The following ST6GAL2 variants were observed in gnomAD, a reference collection of about 807,000 sequenced individuals.
ST6GAL2 encodes the protein ST6 beta-galactoside alpha-2,6-sialyltransferase 2.
A neutral mutation model predicts 37.5 loss-of-function variants in ST6GAL2; 24 were observed. The ratio of observed to expected loss-of-function variants is 0.64; its 90% confidence interval spans 0.46 to 0.90. The LOEUF (loss-of-function observed/expected upper bound fraction) is 0.90, where lower values mean the gene tolerates loss of function less well. Ranked by LOEUF, ST6GAL2 falls within the 40% of genes least tolerant of loss-of-function variation. ST6GAL2 has a pLI of 0.00. For synonymous variants in ST6GAL2, 306 were observed against 295.1 expected (o/e 1.04, Z -0.38); for missense variants, 715 against 712.7 (o/e 1.00, Z -0.04).
chr2:106,861,070 T>C (rs1313276504), intron 1 of ST6GAL2, among the ~76,000 whole-genome samples: 1 of 151,838 alleles, frequency 6.6e-6, no homozygotes, highest in Non-Finnish European at 1.5e-5. Context: ...AAAAGAAGAG[T>C]AGAAGAGTGA....
Position 106,843,741 on chromosome 2 carries a change from C to T in ST6GAL2, c.237G>A (p.Ala79=). The change falls in exon 2 of 6, where the codon GCG becomes GCA. Residue 79 remains alanine (A), a synonymous_variant. Transcript: ENST00000409382. The stretch of plus-strand genomic sequence containing the variant: ...AACCGGCTGGGTGGGCGCGGGGCAG[C>T]GCCTGGCGTGCGTCCAGGCCCCCAG... ...SPPGGLDARQ[A]LPRAHPAGSF... 6.2e-7 allele frequency: 1 copy of T among 1,611,798 alleles called. No homozygotes were observed. Among genetic ancestry groups the T allele is most frequent in the Non-Finnish European group, 8.5e-7 (1 of 1,179,300 alleles).
intron 5 of ST6GAL2, among the ~76,000 whole-genome samples, chr2:106,811,834 G>T (rs758298807): frequency 2.6e-5 from 4 of 152,122 alleles, no homozygotes; most frequent in Non-Finnish European, 4.4e-5. Context: ...CTAGCATAGG[G>T]TTTTACTCAC....
At chr2:106,811,295 C>A (rs962844454) in intron 5 of ST6GAL2, among the ~76,000 whole-genome samples, 2 of 152,074 alleles carry the variant, frequency 1.3e-5, no homozygotes, top group African/African-American at 4.8e-5. Context: ...TTTCTTCATA[C>A]TTTGCAAAAG....
At chr2:106,852,478 A>C (rs1677408406) in intron 1 of ST6GAL2, among the ~76,000 whole-genome samples, 1 of 152,208 alleles carries the variant, frequency 6.6e-6, no homozygotes, top group African/African-American at 2.4e-5. Flanking sequence ...TGAGTAACCC[A>C]CAATGGGGAT....
Position 106,806,718 on chromosome 2 carries a change from AC to A in ST6GAL2, c.1549del (p.Val517CysfsTer24), listed in dbSNP as rs779427786. ...GKVVLPGFQA[V>X]HCPAPSPVIP... ...GACTGGACTTGGTGCAGGGCAGTGC[AC>A]CGCCTGGAAGCCGGGAAGAACCACC... On this transcript the variant is annotated frameshift_variant, in exon 6 of 6. Coordinates refer to ENST00000409382, the MANE Select transcript of ST6GAL2 (RefSeq NM_001142351.2). LOFTEE classifies it low-confidence loss of function (END_TRUNC). 2.9e-4 allele frequency: 465 copies of A among 1,614,010 alleles called. No individual in the cohort carries two copies. The highest frequency in any genetic ancestry group is 3.8e-4 in the Non-Finnish European group (451 of 1,180,032).
At position 106,884,934 on chromosome 2, in the gene ST6GAL2, T is replaced by TATATATACACAC. The variant is rs1425070594; in HGVS notation, c.-58+1158_-58+1159insGTGTGTATATAT. Among the ~76,000 whole-genome samples the TATATATACACAC allele has an allele frequency of 1.3e-3, 160 of 120,446 alleles. 1 individual carries two copies. The highest frequency in any genetic ancestry group is 4.5e-3 in the African/African-American group (127 of 28,152). The allele number at this position is 120,446 out of a possible 152,430, so 79.0% of individuals were successfully genotyped here. On this transcript the variant is annotated intron_variant, in intron 1 of 5. Coordinates refer to ENST00000409382, the MANE Select transcript of ST6GAL2 (RefSeq NM_001142351.2). ...ATATATATATATATATATATATATA[T>TATATATACACAC]ACATACACACACACACATATATACA...
intron 1 of ST6GAL2, among the ~76,000 whole-genome samples, chr2:106,862,608 C>T (rs1268104344): frequency 6.6e-6 from 1 of 151,044 alleles, no homozygotes; most frequent in African/African-American, 2.4e-5. Context: ...TATGGGTTTG[C>T]ACTGAATTAT....
intron 5 of ST6GAL2, among the ~76,000 whole-genome samples, chr2:106,818,835 C>A (rs1393028714): frequency 6.6e-6 from 1 of 151,660 alleles, no homozygotes; most frequent in Non-Finnish European, 1.5e-5. Context: ...CAGTGAAATT[C>A]AAGATAACAG....
intron 1 of ST6GAL2, among the ~76,000 whole-genome samples, chr2:106,845,312 G>T (rs1424339567): frequency 6.6e-6 from 1 of 152,184 alleles, no homozygotes; most frequent in Non-Finnish European, 1.5e-5. Context: ...AAAAAATAGG[G>T]AGAGAGTGAA....
At chr2:106,845,403 G>T (rs1246782704) in intron 1 of ST6GAL2, among the ~76,000 whole-genome samples, 1 of 152,170 alleles carries the variant, frequency 6.6e-6, no homozygotes, top group Non-Finnish European at 1.5e-5. Flanking sequence ...AGAGAAGAGT[G>T]CAGGGAGGCA....
chr2:106,808,056 A>G (rs17033296), intron 5 of ST6GAL2, among the ~76,000 whole-genome samples: 96 of 152,376 alleles, frequency 6.3e-4, no homozygotes, highest in African/African-American at 2.2e-3. Flanking sequence ...TATAAAAAAC[A>G]TAAAGCAGCA....
intron 1 of ST6GAL2, among the ~76,000 whole-genome samples, chr2:106,874,911 T>A (rs1006741248): frequency 3.3e-5 from 5 of 152,310 alleles, no homozygotes; most frequent in African/African-American, 1.2e-4. Context: ...AGACACCAAA[T>A]CATTAGAACC....
Position 106,808,411 on chromosome 2 carries a change from A to C in ST6GAL2, c.1319-1462T>G, listed in dbSNP as rs148933851. ...ACACACTCCTAACAAAGACAAGGGGATTATGCACTTCAAATTCTATGCAGT... is the reference window on the plus strand; with the variant it reads ...ACACACTCCTAACAAAGACAAGGGGCTTATGCACTTCAAATTCTATGCAGT... On this transcript the variant is annotated intron_variant, in intron 5 of 5. Coordinates refer to ENST00000409382, the MANE Select transcript of ST6GAL2 (RefSeq NM_001142351.2). 6.6e-4 allele frequency among the ~76,000 whole-genome samples: 101 copies of C among 152,296 alleles called. 1 individual carries two copies. Among genetic ancestry groups the C allele is most frequent in the African/African-American group, 2.4e-3 (99 of 41,560 alleles).
chr2:106,846,195 G>C (rs1404175222), intron 1 of ST6GAL2, among the ~76,000 whole-genome samples: 1 of 152,214 alleles, frequency 6.6e-6, no homozygotes, highest in Non-Finnish European at 1.5e-5. Flanking sequence ...AGCCGGTCTA[G>C]CCCAGTCAGT....
In ST6GAL2 at chr2:106,803,628, A is replaced by G. The variant is rs1305561037; in HGVS notation, c.*3050T>C. On this transcript the variant is annotated 3_prime_UTR_variant, in exon 6 of 6. Coordinates refer to ENST00000409382, the MANE Select transcript of ST6GAL2 (RefSeq NM_001142351.2). The stretch of plus-strand genomic sequence containing the variant: ...GTTTCTTTGTAACAACAACAACAAC[A>G]ACAACAACAACAACAACAACAACAA... 2.0e-5 allele frequency: 3 copies of G among 151,648 alleles called. No individual in the cohort carries two copies. The highest frequency in any genetic ancestry group is 2.1e-4 in the South Asian group (1 of 4,778). The allele number at this position is 151,648 out of a possible 1,614,324, so 9.4% of individuals were successfully genotyped here.
intron 5 of ST6GAL2, among the ~76,000 whole-genome samples, chr2:106,828,881 T>C (rs888375462): frequency 6.6e-6 from 1 of 151,964 alleles, no homozygotes; most frequent in Non-Finnish European, 1.5e-5. Flanking sequence ...AAAACACAGA[T>C]AAAGAAATGG....
chr2:106,871,267 T>G (rs528952487), intron 1 of ST6GAL2, among the ~76,000 whole-genome samples: 1 of 152,334 alleles, frequency 6.6e-6, no homozygotes, highest in African/African-American at 2.4e-5. Flanking sequence ...TAAATGGAAC[T>G]TCCATGACTA....
At chr2:106,812,670 C>T (rs1368256164) in intron 5 of ST6GAL2, among the ~76,000 whole-genome samples, 2 of 152,280 alleles carry the variant, frequency 1.3e-5, no homozygotes, top group East Asian at 3.9e-4. Flanking sequence ...TCTTTTCTGC[C>T]CGGATACCAT....
upstream of ST6GAL2, chr2:106,886,402 G>T (rs1320725391): frequency 6.6e-6 from 1 of 152,070 alleles, no homozygotes; most frequent in Admixed American, 6.5e-5. Flanking sequence ...CCGCGCTCCC[G>T]TCCCAGGCGG....
Sources: gnomAD v4.1 joint callset for allele counts (sites outside exome capture counted in the v4.1 genomes callset) on GRCh38, gnomAD v4.1.1 for gene constraint, MANE v1.5 for transcripts, NCBI Gene and HGNC (gene_info 2026-07-23, HGNC 2026-07-21) for gene names.